ZNF850: variants seen among roughly 807,000 people sequenced by gnomAD.
The protein encoded by ZNF850 is zinc finger protein 850, also known as putative zinc finger protein ENSP00000330994.
ZNF850 carries 2 observed loss-of-function variants against 11.9 expected under a neutral mutation model. The observed-to-expected ratio is 0.17, with a 90% CI of 0.07 to 0.53. The LOEUF is 0.53. ZNF850 is among the 20% of genes least tolerant of loss of function. The pLI, the probability that ZNF850 is intolerant of heterozygous loss-of-function variation, is 0.94. For missense variants in ZNF850, 1,014 were observed against 1,316.4 expected, an observed-to-expected ratio of 0.77 and a Z score of 3.55; for synonymous variants, 381 against 443.0, an observed-to-expected ratio of 0.86 and a Z score of 1.76.
At chr19:36,771,262 T>C (rs553715548) in intron 1 of ZNF850, among the ~76,000 whole-genome samples, 1 of 152,086 alleles carries the variant, frequency 6.6e-6, no homozygotes. Context: ...AGGCTGAATC[T>C]GGGGGGGTTT....
chr19:36,765,874 A>T (rs1179079487), intron 1 of ZNF850, among the ~76,000 whole-genome samples: 1 of 142,340 alleles, frequency 7.0e-6, no homozygotes, highest in South Asian at 2.3e-4. Flanking sequence ...GTGAGCCACC[A>T]CGCCCGGCCA....
chr19:36,748,065 CAAGTAA>C lies in ZNF850; in HGVS notation c.2969_2974del (p.Phe990_Thr991del). ...CTGATGTCGAATTAGTTCTGAGCCG[CAAGTAA>C]AAGATTTCCCACATTCTTTACATTC... is the stretch of plus-strand genomic sequence containing the variant. On this transcript the variant is annotated inframe_deletion, in exon 5 of 5. Transcript: ENST00000591344. The C allele has an allele frequency of 1.3e-6, 2 of 1,562,124 alleles. No homozygotes were observed. Among genetic ancestry groups the C allele is most frequent in the Non-Finnish European group, 1.7e-6 (2 of 1,157,326 alleles).
Position 36,745,628 on chromosome 19 carries a change from A to G in ZNF850, c.*2139T>C, listed in dbSNP as rs1211123122. On this transcript the variant is annotated 3_prime_UTR_variant, in exon 5 of 5. Coordinates refer to ENST00000591344, the MANE Select transcript of ZNF850 (RefSeq NM_001193552.2). ...GGGAGGCGGAGGTTGCAGTGAGCCA[A>G]GATCGTGCCATTGCACTCCAGCCTG... 1 of 152,126 alleles carries G rather than the reference A, an allele frequency of 6.6e-6. No individual in the cohort carries two copies. Among genetic ancestry groups the G allele is most frequent in the Non-Finnish European group, 1.5e-5 (1 of 68,204 alleles). The allele number at this position is 152,126 out of a possible 1,614,324, so 9.4% of individuals were successfully genotyped here. A position where few individuals can be genotyped will look rare whatever the true frequency, so the allele number is the denominator to read the frequency against.
intron 3 of ZNF850, 135 bp downstream of exon 3, chr19:36,762,170 A>C: frequency 1.5e-6 from 1 of 669,804 alleles, no homozygotes; most frequent in Non-Finnish European, 2.4e-6. Context: ...GAGAAGATGG[A>C]GTGACCCCAA....
chr19:36,759,437 C>G (rs182934768), intron 4 of ZNF850, among the ~76,000 whole-genome samples: 1 of 151,914 alleles, frequency 6.6e-6, no homozygotes, highest in Admixed American at 6.6e-5. Context: ...ATTGTGCCAC[C>G]GTACTCCAGC....
intron 1 of ZNF850, among the ~76,000 whole-genome samples, chr19:36,769,276 A>AAAG (rs1555812485): frequency 8.8e-6 from 1 of 113,234 alleles, no homozygotes; most frequent in South Asian, 2.8e-4. Flanking sequence ...AAAAAAAAAA[A>AAAG]AAAGAAAGAA....
chr19:36,755,712 CA>C (rs2040481986), intron 4 of ZNF850, among the ~76,000 whole-genome samples: 1 of 146,204 alleles, frequency 6.8e-6, no homozygotes, highest in Admixed American at 6.8e-5. Flanking sequence ...AAACAAAAAA[CA>C]AAAAAACTAA....
At position 36,749,772 on chromosome 19, in the gene ZNF850, C is replaced by T; in HGVS notation, c.1268G>A (p.Cys423Tyr). ...AIHTGEKPYD[C>Y]KECGKSFTAG... The stretch of plus-strand genomic sequence containing the variant: ...AGTAAAAGATTTTCCACATTCTTTA[C>T]AATCATAGGGTTTCTCACCAGTGTG... The change falls in exon 5 of 5, where the codon TGT becomes TAT. Residue 423 changes from cysteine (C) to tyrosine (Y), a missense_variant. This residue lies in a region of ZNF850 where 835 missense variants were observed against 1,022.0 expected (regional missense o/e 0.82). Coordinates refer to ENST00000591344, the MANE Select transcript of ZNF850 (RefSeq NM_001193552.2). 1 of 1,556,570 alleles carries T rather than the reference C, an allele frequency of 6.4e-7. No homozygotes were observed. The highest frequency in any genetic ancestry group is 8.7e-7 in the Non-Finnish European group (1 of 1,153,796).
chr19:36,763,678 C>T (rs1351678579), intron 1 of ZNF850, among the ~76,000 whole-genome samples: 1 of 152,162 alleles, frequency 6.6e-6, no homozygotes, highest in Non-Finnish European at 1.5e-5. Flanking sequence ...CCTGTAATCA[C>T]AGCACTTTGG....
Position 36,750,373 on chromosome 19 carries a change from T to A in ZNF850, c.667A>T (p.Lys223Ter). ...CCATATTCTTTACATGCACAGGGCT[T>A]TTCCCCAGTATGAATTCTCTGATGT... is the stretch of plus-strand genomic sequence containing the variant. ...VKHQRIHTGE[K>*]PCACKEYGKA... is the part of the protein sequence containing the mutation. The change falls in exon 5 of 5, where the codon AAG becomes TAG. Residue 223 changes from lysine to a stop codon, truncating the protein, a stop_gained. Transcript: ENST00000591344. LOFTEE classifies it low-confidence loss of function (END_TRUNC). 1.3e-6 allele frequency: 2 copies of A among 1,536,558 alleles called. No individual in the cohort carries two copies. The highest frequency in any genetic ancestry group is 2.4e-5 in the South Asian group (2 of 84,064).
intron 1 of ZNF850, among the ~76,000 whole-genome samples, chr19:36,770,841 T>C (rs894488707): frequency 2.0e-5 from 3 of 151,704 alleles, no homozygotes; most frequent in African/African-American, 7.3e-5. Context: ...GTATGAGTAT[T>C]TAATTCAATA....
At position 36,760,377 on chromosome 19, in the gene ZNF850, G is replaced by A. The variant is rs1246364844; in HGVS notation, c.235+1266C>T. On this transcript the variant is annotated intron_variant, in intron 4 of 4. Coordinates refer to ENST00000591344, the MANE Select transcript of ZNF850 (RefSeq NM_001193552.2). ...CACGAGAATTGCTTGAATTCAGGATGCAGGGGATGCAGTGAGCCGAGATCA... is the reference window on the plus strand; with the variant it reads ...CACGAGAATTGCTTGAATTCAGGATACAGGGGATGCAGTGAGCCGAGATCA... Among the ~76,000 whole-genome samples, 3 of 152,188 alleles carry A rather than the reference G, an allele frequency of 2.0e-5. No individual in the cohort carries two copies. In the East Asian group the frequency reaches 5.8e-4, roughly 29 times the overall value.
chr19:36,754,276 G>A (rs564896649), intron 4 of ZNF850, among the ~76,000 whole-genome samples: 1 of 151,654 alleles, frequency 6.6e-6, no homozygotes, highest in South Asian at 2.1e-4. Context: ...CTAAAAACAT[G>A]AGGACACAAA....
chr19:36,767,457 T>A (rs1217595394), intron 1 of ZNF850, among the ~76,000 whole-genome samples: 2 of 149,612 alleles, frequency 1.3e-5, no homozygotes, highest in Non-Finnish European at 1.5e-5. Context: ...CTCGGGAGGC[T>A]GAGGCAGGAG....
chr19:36,750,834 G>A (rs983676606), intron 4 of ZNF850, 30 bp from the exon 5 acceptor site: 28 of 1,468,142 alleles, frequency 1.9e-5, no homozygotes, highest in Non-Finnish European at 2.3e-5. Context: ...CAAAAACATA[G>A]CATTTCCTTG....
intron 1 of ZNF850, among the ~76,000 whole-genome samples, chr19:36,771,279 T>G (rs2040580718): frequency 6.6e-6 from 1 of 152,126 alleles, no homozygotes; most frequent in Non-Finnish European, 1.5e-5. Flanking sequence ...GTTTATTAAC[T>G]GGGAAGGGGA....
At chr19:36,767,374 T>C (rs545491368) in intron 1 of ZNF850, among the ~76,000 whole-genome samples, 12 of 151,842 alleles carry the variant, frequency 7.9e-5, no homozygotes, top group African/African-American at 2.9e-4. Flanking sequence ...CTGGCCAACA[T>C]GGCAAAACCC....
At chr19:36,762,267 C>A in intron 3 of ZNF850, 38 bp downstream of exon 3, 3 of 1,464,564 alleles carry the variant, frequency 2.0e-6, no homozygotes, top group South Asian at 2.8e-5. Context: ...AAAGCTACAC[C>A]CAAAATTCAT....
Position 36,748,013 on chromosome 19 carries a change from A to G in ZNF850, c.3027T>C (p.Tyr1009=), listed in dbSNP as rs1278132677. Residue 1009 remains tyrosine, a synonymous_variant, in exon 5 of 5, where the codon TAT becomes TAC. Transcript: ENST00000591344. ...HQRTHTGEKP[Y]DCKECGKAFR... is the part of the protein sequence containing the mutation. ...AGGCCTTCCCACATTCCTTACAATC[A>G]TAAGGTTTCTCACCAGTGTGAGTTC... The G allele has an allele frequency of 1.9e-6, 3 of 1,592,080 alleles. No homozygotes were observed. The highest frequency in any genetic ancestry group is 1.3e-5 in the African/African-American group (1 of 74,456).
Sources: gnomAD v4.1 joint callset for allele counts (sites outside exome capture counted in the v4.1 genomes callset) on GRCh38, gnomAD v4.1.1 for gene constraint, gnomAD v4.1.1 regional missense constraint, MANE v1.5 for transcripts, NCBI Gene and HGNC (gene_info 2026-07-23, HGNC 2026-07-21) for gene names.